The following HAUS2 variants were observed in gnomAD, a reference collection of about 807,000 sequenced individuals.
The protein encoded by HAUS2 is HAUS augmin like complex subunit 2, also known as HAUS augmin-like complex subunit 2.
Under a neutral mutation model 21.6 loss-of-function variants are expected in HAUS2, and 20 were observed. The observed-to-expected ratio is 0.93, with a 90% CI of 0.65 to 1.35. HAUS2 has a LOEUF of 1.35. HAUS2 is among the 40% of genes most tolerant of loss of function. The probability of loss-of-function intolerance (pLI) is 0.00; values close to 1 mark genes in which losing one functional copy is unlikely to be tolerated. For missense variants in HAUS2, 297 were observed against 280.7 expected (o/e 1.06, Z -0.42); for synonymous variants, 113 against 95.6 (o/e 1.18, Z -1.06).
Position 42,566,821 on chromosome 15 carries a change from C to T in HAUS2, c.*5C>T, listed in dbSNP as rs746998514. The T allele has an allele frequency of 1.4e-6, 2 of 1,406,466 alleles. No homozygotes were observed. The highest frequency in any genetic ancestry group is 2.3e-5 in the South Asian group (2 of 86,412). The allele number at this position is 1,406,466 out of a possible 1,614,324, so 87.1% of individuals were successfully genotyped here. On this transcript the variant is annotated 3_prime_UTR_variant, in exon 6 of 6. Coordinates refer to ENST00000260372, the MANE Select transcript of HAUS2 (RefSeq NM_018097.3). ...CAAACTATTAATGCCAAGTAGTCATCAACTTTATTTTTGCTTAATTATGTG... is the reference window on the plus strand; with the variant it reads ...CAAACTATTAATGCCAAGTAGTCATTAACTTTATTTTTGCTTAATTATGTG...
intron 4 of HAUS2, chr15:42,561,823 C>G: frequency 5.7e-6 from 1 of 175,316 alleles, no homozygotes; most frequent in Middle Eastern, 3.0e-3. Context: ...CTGTTCTCAT[C>G]TCTACTGTTT....
Position 42,562,013 on chromosome 15 carries a change from C to CA in HAUS2, c.389+623dup, listed in dbSNP as rs958151504. On this transcript the variant is annotated intron_variant, in intron 4 of 5. Transcript: ENST00000260372. ...ACAACATGGCAAAACCCTGTTTCTA[C>CA]AAAAAAAAAAAATATAAAAATTAGC... Among the ~76,000 whole-genome samples the CA allele has an allele frequency of 2.5e-3, 347 of 141,072 alleles. 2 individuals carry two copies. The highest frequency in any genetic ancestry group is 4.6e-3 in the African/African-American group (179 of 38,568). The allele number at this position is 141,072 out of a possible 152,430, so 92.5% of individuals were successfully genotyped here.
At chr15:42,565,443 T>C (rs1045570801) in intron 5 of HAUS2, among the ~76,000 whole-genome samples, 6 of 150,786 alleles carry the variant, frequency 4.0e-5, no homozygotes, top group Non-Finnish European at 7.4e-5. Context: ...TTTCTTTTTT[T>C]AGTGAAGGGT....
At chr15:42,552,865 C>T (rs937513546) in intron 1 of HAUS2, among the ~76,000 whole-genome samples, 5 of 152,166 alleles carry the variant, frequency 3.3e-5, no homozygotes, top group African/African-American at 1.2e-4. Context: ...GCTATACTAC[C>T]TCCCTTTTAA....
intron 2 of HAUS2, 144 bp from the exon 3 acceptor site, chr15:42,559,195 C>T: frequency 1.9e-6 from 1 of 518,758 alleles, no homozygotes; most frequent in Non-Finnish European, 3.5e-6. Flanking sequence ...AGTGCAGTGG[C>T]ACAATCTCGG....
At chr15:42,551,200 G>T (rs1028508535) in intron 1 of HAUS2, among the ~76,000 whole-genome samples, 19 of 151,416 alleles carry the variant, frequency 1.3e-4, no homozygotes, top group African/African-American at 4.6e-4. Flanking sequence ...TTTGGCCAGG[G>T]TAGTCTCAAA....
intron 1 of HAUS2, among the ~76,000 whole-genome samples, chr15:42,557,089 C>T (rs2057785894): frequency 6.7e-6 from 1 of 150,058 alleles, no homozygotes; most frequent in Non-Finnish European, 1.5e-5. Flanking sequence ...CCTAGGTGGG[C>T]AGATCATGAG....
rs1043478805 is a variant in HAUS2, at chr15:42,569,134, T to C, written c.*2318T>C. 6 of 152,170 alleles carry C rather than the reference T, an allele frequency of 3.9e-5. No homozygotes were observed. Among genetic ancestry groups the C allele is most frequent in the African/African-American group, 1.2e-4 (5 of 41,438 alleles). The allele number at this position is 152,170 out of a possible 1,614,324, so 9.4% of individuals were successfully genotyped here. ...CAGATATTTTACCTATCAGAGGTTATTGTGCATATAATAGAGAGTGATATA... is the reference window on the plus strand; with the variant it reads ...CAGATATTTTACCTATCAGAGGTTACTGTGCATATAATAGAGAGTGATATA... On this transcript the variant is annotated 3_prime_UTR_variant, in exon 6 of 6. Coordinates refer to ENST00000260372, the MANE Select transcript of HAUS2 (RefSeq NM_018097.3).
intron 1 of HAUS2, 143 bp from the exon 2 acceptor site, chr15:42,558,055 C>G (rs1397404637): frequency 5.5e-6 from 3 of 546,436 alleles, no homozygotes; most frequent in Admixed American, 8.0e-5. Context: ...TTACACATTG[C>G]TACTATTTTA....
At chr15:42,559,716 G>A (rs1328098241) in intron 3 of HAUS2, among the ~76,000 whole-genome samples, 9 of 152,092 alleles carry the variant, frequency 5.9e-5, no homozygotes, top group Non-Finnish European at 8.8e-5. Context: ...ATCATGGATC[G>A]ATTTTTTATT....
At chr15:42,551,176 C>G (rs184338485) in intron 1 of HAUS2, among the ~76,000 whole-genome samples, 3 of 151,094 alleles carry the variant, frequency 2.0e-5, no homozygotes, top group Non-Finnish European at 3.0e-5. Flanking sequence ...TCAGTAGAGA[C>G]GGGGTTTCAC....
chr15:42,569,349 C>T lies in HAUS2; in HGVS notation c.*2533C>T, dbSNP rs1386943395. 7.1e-6 allele frequency: 1 copy of T among 139,908 alleles called. No individual in the cohort carries two copies. Among genetic ancestry groups the T allele is most frequent in the African/African-American group, 2.7e-5 (1 of 37,616 alleles). 8.7% of individuals were successfully genotyped at this position (139,908 alleles called of 1,614,324 possible). ...GGATCTCACTCTGTCACCCAGGTTG[C>T]TGAGAGTGTGGTGTGGCCCAATCTT... On this transcript the variant is annotated 3_prime_UTR_variant, in exon 6 of 6. Transcript: ENST00000260372.
At chr15:42,549,114 C>T in intron 1 of HAUS2, 149 bp downstream of exon 1, 3 of 568,260 alleles carry the variant, frequency 5.3e-6, no homozygotes, top group South Asian at 2.3e-5. Context: ...GCAACAGCCG[C>T]GAACGTTCTG....
At chr15:42,559,541 T>G in intron 3 of HAUS2, 133 bp downstream of exon 3, 1 of 624,184 alleles carries the variant, frequency 1.6e-6, no homozygotes, top group Non-Finnish European at 2.9e-6. Context: ...AATGAAATCT[T>G]GTATTTCTAT....
In HAUS2 at chr15:42,561,478, C is replaced by A. The variant is rs987563588; in HGVS notation, c.389+76C>A. The A allele has an allele frequency of 4.2e-5, 37 of 884,320 alleles. 1 individual carries two copies. The highest frequency in any genetic ancestry group is 3.3e-4 in the Admixed American group (17 of 52,198). 54.8% of individuals were successfully genotyped at this position (884,320 alleles called of 1,614,324 possible). A position where few individuals can be genotyped will look rare whatever the true frequency, so the allele number is the denominator to read the frequency against. On this transcript the variant is annotated intron_variant, in intron 4 of 5. Transcript: ENST00000260372. ...TTTTTGTTTTGCAGTTACTTTGTAGCAGAATTCATAAAACAATTAGTGATT... is the reference window on the plus strand; with the variant it reads ...TTTTTGTTTTGCAGTTACTTTGTAGAAGAATTCATAAAACAATTAGTGATT...
intron 3 of HAUS2, among the ~76,000 whole-genome samples, chr15:42,560,386 TAGAG>T (rs146328893): frequency 0.027 from 3,889 of 145,342 alleles, 142 homozygotes; most frequent in African/African-American, 0.081. Flanking sequence ...CAGCAAAAAT[TAGAG>T]AGAGAGAGAG....
rs770704150 is a variant in HAUS2 at position 42,563,843 on chromosome 15, A to C, written c.484A>C (p.Asn162His). ...TIRNIPHLAA[N>H]LKKMNQALAK... The stretch of plus-strand genomic sequence containing the variant: ...TAGAAATATTCCTCATTTAGCTGCA[A>C]ATCTAAAGAAAATGGTGAGTATTAA... Residue 162 changes from asparagine to histidine, a missense_variant, in exon 5 of 6, where the codon AAT (asparagine) becomes CAT (histidine). Transcript: ENST00000260372. 62 of 1,466,290 alleles carry C rather than the reference A, an allele frequency of 4.2e-5. No homozygotes were observed. Among genetic ancestry groups the C allele is most frequent in the Non-Finnish European group, 5.2e-5 (55 of 1,054,632 alleles). 90.8% of individuals were successfully genotyped at this position (1,466,290 alleles called of 1,614,324 possible). A position where few individuals can be genotyped will look rare whatever the true frequency, so the allele number is the denominator to read the frequency against.
chr15:42,551,085 A>C (rs1220521578), intron 1 of HAUS2, among the ~76,000 whole-genome samples: 1 of 144,272 alleles, frequency 6.9e-6, no homozygotes, highest in Non-Finnish European at 1.5e-5. Context: ...ACCCTCTGCC[A>C]CCTGGGTTCA....
Position 42,557,400 on chromosome 15 carries a change from TTA to T in HAUS2, c.94-791_94-790del, listed in dbSNP as rs2057793237. 1.2e-4 allele frequency among the ~76,000 whole-genome samples: 2 copies of T among 16,050 alleles called. 1 individual carries two copies. The highest frequency in any genetic ancestry group is 4.2e-3 in the South Asian group (2 of 480). The allele number at this position is 16,050 out of a possible 152,430, so 10.5% of individuals were successfully genotyped here. On this transcript the variant is annotated intron_variant, in intron 1 of 5. Transcript: ENST00000260372. ...ATATATTTTATATATAATATATATT[TTA>T]TATATACATTATATAATGTATACAT...
Sources: allele counts gnomAD v4.1 joint callset (sites outside exome capture counted in the v4.1 genomes callset), GRCh38; gene constraint gnomAD v4.1.1; transcripts MANE v1.5; gene names NCBI Gene and HGNC (gene_info 2026-07-23, HGNC 2026-07-21).